Variants in SMOC1 observed in about 807,000 individuals in gnomAD.
SMOC1 encodes the protein SPARC-related modular calcium-binding protein 1.
A neutral mutation model predicts 56.3 loss-of-function variants in SMOC1; 22 were observed. The observed-to-expected ratio is 0.39, with a 90% CI of 0.28 to 0.56. The LOEUF is 0.56. SMOC1 is among the 20% of genes least tolerant of loss of function. The probability of loss-of-function intolerance (pLI) is 0.61; values close to 1 mark genes in which losing one functional copy is unlikely to be tolerated. For missense variants in SMOC1, 509 were observed against 565.4 expected, an observed-to-expected ratio of 0.90 and a Z score of 1.01; for synonymous variants, 193 against 215.0, an observed-to-expected ratio of 0.90 and a Z score of 0.89.
chr14:69,963,659 A>C (rs1402332391), intron 3 of SMOC1, among the ~76,000 whole-genome samples: 1 of 151,938 alleles, frequency 6.6e-6, no homozygotes, highest in African/African-American at 2.4e-5. Flanking sequence ...CCCAGTGAGC[A>C]GCAGCCAGTA....
At chr14:69,988,959 G>T (rs1331995379) in intron 5 of SMOC1, among the ~76,000 whole-genome samples, 1 of 152,200 alleles carries the variant, frequency 6.6e-6, no homozygotes. Context: ...CAGACATTTG[G>T]ATTGTTTTCA....
intron 7 of SMOC1, among the ~76,000 whole-genome samples, chr14:70,003,912 C>T (rs2139571440): frequency 6.6e-6 from 1 of 152,298 alleles, no homozygotes. Flanking sequence ...AGTACATATA[C>T]AACCAGTAAT....
intron 10 of SMOC1, 147 bp from the exon 11 acceptor site, chr14:70,023,056 T>G: frequency 2.5e-6 from 3 of 1,186,650 alleles, no homozygotes; most frequent in Non-Finnish European, 3.7e-6. Flanking sequence ...GGCTTAACGT[T>G]GCCACAGGCT....
At chr14:69,975,480 T>C (rs905126233) in intron 3 of SMOC1, among the ~76,000 whole-genome samples, 3 of 152,080 alleles carry the variant, frequency 2.0e-5, no homozygotes, top group Admixed American at 6.6e-5. Context: ...TGAAGAGGAA[T>C]AAGAGAGAAG....
At chr14:70,011,449 C>CG in intron 8 of SMOC1, 36 bp from the exon 9 acceptor site, 13 of 1,257,890 alleles carry the variant, frequency 1.0e-5, no homozygotes, top group Non-Finnish European at 1.4e-5. Context: ...CAGTTGCCAG[C>CG]CCCTCCCAAC....
At chr14:69,882,905 G>C (rs981926423) in intron 1 of SMOC1, among the ~76,000 whole-genome samples, 5 of 152,198 alleles carry the variant, frequency 3.3e-5, no homozygotes, top group African/African-American at 1.2e-4. Context: ...GTGATTACAG[G>C]TTCCACTTTG....
chr14:69,889,330 C>T (rs56185335), intron 1 of SMOC1, among the ~76,000 whole-genome samples: 14,662 of 152,196 alleles, frequency 0.096, 1,965 homozygotes, highest in African/African-American at 0.3. Flanking sequence ...GTTACCTCCA[C>T]GCAGTCCTTC....
At chr14:69,961,135 T>C (rs948404465) in intron 3 of SMOC1, among the ~76,000 whole-genome samples, 4 of 151,782 alleles carry the variant, frequency 2.6e-5, no homozygotes, top group African/African-American at 9.7e-5. Flanking sequence ...ATTCTGGACA[T>C]TTCATACAAA....
chr14:69,945,747 T>A (rs898713539), intron 1 of SMOC1, among the ~76,000 whole-genome samples: 1 of 152,176 alleles, frequency 6.6e-6, no homozygotes, highest in African/African-American at 2.4e-5. Flanking sequence ...TAAAATTAAT[T>A]TGAGTTTGGC....
intron 3 of SMOC1, among the ~76,000 whole-genome samples, chr14:69,965,967 C>A (rs112389729): frequency 6.6e-6 from 1 of 151,942 alleles, no homozygotes; most frequent in Non-Finnish European, 1.5e-5. Context: ...TTTTTCATGT[C>A]AAAATAGGGA....
intron 3 of SMOC1, among the ~76,000 whole-genome samples, chr14:69,958,181 A>G (rs1305554999): frequency 6.6e-6 from 1 of 152,222 alleles, no homozygotes; most frequent in Non-Finnish European, 1.5e-5. Flanking sequence ...GGATTGCTTG[A>G]GTCCAGGAGT....
intron 6 of SMOC1, among the ~76,000 whole-genome samples, chr14:69,992,703 G>C (rs1291649359): frequency 6.6e-6 from 1 of 152,162 alleles, no homozygotes; most frequent in African/African-American, 2.4e-5. Flanking sequence ...CAGGCTTCCT[G>C]CCTGTCTCCT....
At chr14:69,914,466 G>C (rs1471190811) in intron 1 of SMOC1, among the ~76,000 whole-genome samples, 1 of 152,144 alleles carries the variant, frequency 6.6e-6, no homozygotes, top group Non-Finnish European at 1.5e-5. Context: ...AAACTAAAAG[G>C]CATCTTCAGA....
Position 70,023,063 on chromosome 14 carries a change from G to T in SMOC1, c.1047-140G>T, listed in dbSNP as rs113351103. The T allele has an allele frequency of 4.9e-5, 65 of 1,323,570 alleles. No homozygotes were observed. The African/African-American group carries it at 8.2e-4, about 17-fold the overall frequency. The allele number at this position is 1,323,570 out of a possible 1,614,324, so 82.0% of individuals were successfully genotyped here. A position where few individuals can be genotyped will look rare whatever the true frequency, so the allele number is the denominator to read the frequency against. Reference sequence around the variant, plus strand: ...GAGAGGATGGCTTAACGTTGCCACAGGCTGAGCCGCTGTGGGTGGACTTTG... The same window carrying T: ...GAGAGGATGGCTTAACGTTGCCACATGCTGAGCCGCTGTGGGTGGACTTTG... On this transcript the variant is annotated intron_variant, in intron 10 of 11. Transcript: ENST00000361956.
chr14:69,919,344 C>G (rs1033736086), intron 1 of SMOC1, among the ~76,000 whole-genome samples: 5 of 152,206 alleles, frequency 3.3e-5, no homozygotes, highest in African/African-American at 4.8e-5. Context: ...CTCTACCTTT[C>G]CAGCCCTGTG....
At chr14:69,903,712 G>A (rs1341434697) in intron 1 of SMOC1, among the ~76,000 whole-genome samples, 1 of 152,064 alleles carries the variant, frequency 6.6e-6, no homozygotes. Flanking sequence ...CAGCATGCTC[G>A]TTAATAGTCA....
rs377179873 is a variant in SMOC1, at chr14:69,931,027, G to A, written c.100-21111G>A. On this transcript the variant is annotated intron_variant, in intron 1 of 11. Transcript: ENST00000361956. The stretch of plus-strand genomic sequence containing the variant: ...ATTTATTCTCTTTCCCCTTCACTCT[G>A]TTCTGCCCTCTGTGGCCAGAACAAG... 6.6e-5 allele frequency among the ~76,000 whole-genome samples: 10 copies of A among 152,204 alleles called. No homozygotes were observed. In the East Asian group the frequency reaches 1.7e-3, roughly 26 times the overall value.
intron 3 of SMOC1, among the ~76,000 whole-genome samples, chr14:69,960,451 C>G (rs548618573): frequency 1.3e-5 from 2 of 152,182 alleles, no homozygotes; most frequent in Admixed American, 1.3e-4. Flanking sequence ...AGACCTCCTG[C>G]CTTTTGGTCT....
chr14:70,020,910 A>G (rs1412106697), intron 10 of SMOC1, among the ~76,000 whole-genome samples: 1 of 152,162 alleles, frequency 6.6e-6, no homozygotes, highest in Non-Finnish European at 1.5e-5. Context: ...AGCTCTATCA[A>G]TGGAGTGGCT....
Sources: allele counts gnomAD v4.1 joint callset (sites outside exome capture counted in the v4.1 genomes callset), GRCh38; gene constraint gnomAD v4.1.1; transcripts MANE v1.5; gene names NCBI Gene and HGNC (gene_info 2026-07-23, HGNC 2026-07-21).